CCNY: variants seen among roughly 807,000 people sequenced by gnomAD.
The protein encoded by CCNY is cyclin-Y.
CCNY carries 19 observed loss-of-function variants against 42.8 expected under a neutral mutation model. The observed-to-expected ratio is 0.44, with a 90% CI of 0.31 to 0.65. The LOEUF (loss-of-function observed/expected upper bound fraction) is 0.65. Ranked by LOEUF, CCNY falls within the 30% of genes least tolerant of loss-of-function variation. The pLI is 0.07. For synonymous variants in CCNY, 165 were observed against 162.7 expected (o/e 1.01, Z -0.11); for missense variants, 370 against 437.3 (o/e 0.85, Z 1.37).
intron 1 of CCNY, among the ~76,000 whole-genome samples, chr10:35,405,375 A>G (rs1343373168): frequency 6.6e-6 from 1 of 152,106 alleles, no homozygotes; most frequent in Non-Finnish European, 1.5e-5. Context: ...AAGGGGAGAT[A>G]CAAGGAGAGG....
chr10:35,432,144 T>A (rs911619067), intron 1 of CCNY, among the ~76,000 whole-genome samples: 2 of 152,208 alleles, frequency 1.3e-5, no homozygotes, highest in African/African-American at 4.8e-5. Context: ...ATTGTCTAAG[T>A]GTAGGGGAAG....
At chr10:35,478,467 C>T (rs1228485634) in intron 1 of CCNY, among the ~76,000 whole-genome samples, 5 of 151,574 alleles carry the variant, frequency 3.3e-5, no homozygotes, top group Non-Finnish European at 7.4e-5. Context: ...CAGAACAGAG[C>T]CCTCAGAAAT....
Position 35,530,380 on chromosome 10 carries a change from G to T in CCNY, c.579+137G>T, listed in dbSNP as rs77663754. 9.8e-6 allele frequency: 10 copies of T among 1,025,360 alleles called. No homozygotes were observed. Among genetic ancestry groups the T allele is most frequent in the Middle Eastern group, 3.0e-4 (1 of 3,284 alleles). The allele number at this position is 1,025,360 out of a possible 1,614,324, so 63.5% of individuals were successfully genotyped here. On this transcript the variant is annotated intron_variant, in intron 7 of 9. Coordinates refer to ENST00000374704, the MANE Select transcript of CCNY (RefSeq NM_145012.6). This position sits in a 1 kb window ranked among gnomAD's most constrained non-coding sequence, Gnocchi z 4.3. ...TGGACACCGTGGCATAAGCTTCAGT[G>T]TTGTCGTTCTCCTGGGAGAATAGAG... is the stretch of plus-strand genomic sequence containing the variant.
intron 8 of CCNY, among the ~76,000 whole-genome samples, chr10:35,565,053 G>A (rs572977215): frequency 2.7e-4 from 41 of 152,278 alleles, no homozygotes; most frequent in Admixed American, 9.8e-4. Context: ...CATGACCCAG[G>A]ACCAGTGCTC....
At chr10:35,541,215 T>A (rs1287350412) in intron 7 of CCNY, among the ~76,000 whole-genome samples, 3 of 152,166 alleles carry the variant, frequency 2.0e-5, no homozygotes, top group African/African-American at 7.2e-5. Context: ...ATGTATTTTT[T>A]AATAAACTTT....
intron 1 of CCNY, among the ~76,000 whole-genome samples, chr10:35,446,828 T>C (rs983096742): frequency 7.2e-5 from 11 of 152,242 alleles, no homozygotes; most frequent in Non-Finnish European, 8.8e-5. Flanking sequence ...GGAAGTGTAA[T>C]AAGCAATTTG....
chr10:35,419,351 T>C (rs892009711), intron 1 of CCNY, among the ~76,000 whole-genome samples: 11 of 152,066 alleles, frequency 7.2e-5, no homozygotes, highest in Admixed American at 5.9e-4. Flanking sequence ...AGAAATGGTA[T>C]GAAGGAAGTG....
chr10:35,526,058 AT>A, intron 5 of CCNY, 59 bp downstream of exon 5: 1 of 1,418,830 alleles, frequency 7.0e-7, no homozygotes, highest in South Asian at 1.2e-5. Context: ...TGTTGTTCCT[AT>A]TTTTTCATAT....
At chr10:35,266,997 G>A (rs1348890291) in intron 3 of CCNY, among the ~76,000 whole-genome samples, 1 of 150,896 alleles carries the variant, frequency 6.6e-6, no homozygotes, top group Non-Finnish European at 1.5e-5. Flanking sequence ...CAGGAGAATC[G>A]CTTGTACCTG....
intron 1 of CCNY, among the ~76,000 whole-genome samples, chr10:35,337,807 A>T (rs79152632): frequency 1.3e-5 from 2 of 152,040 alleles, no homozygotes; most frequent in African/African-American, 2.4e-5. Flanking sequence ...AATGCTCTTT[A>T]AAAGATTGTC....
intron 9 of CCNY, 38 bp downstream of exon 9, chr10:35,566,223 T>C: frequency 6.3e-7 from 1 of 1,586,800 alleles, no homozygotes; most frequent in Non-Finnish European, 8.6e-7. Flanking sequence ...GGTGCAGTGT[T>C]GCCAATACAT....
intron 3 of CCNY, among the ~76,000 whole-genome samples, chr10:35,272,485 C>T (rs927221965): frequency 6.6e-6 from 1 of 152,166 alleles, no homozygotes; most frequent in Non-Finnish European, 1.5e-5. Flanking sequence ...GTGTTCTCAT[C>T]ATTTAGCTCC....
At chr10:35,451,592 A>G (rs1185020429) in intron 1 of CCNY, among the ~76,000 whole-genome samples, 1 of 152,160 alleles carries the variant, frequency 6.6e-6, no homozygotes, top group African/African-American at 2.4e-5. Flanking sequence ...GTGAGGGCCA[A>G]TTCTGTATGG....
In CCNY at chr10:35,347,373, G is replaced by A. The variant is rs145463549; in HGVS notation, c.154+10166G>A. Reference sequence around the variant, plus strand: ...AGCTTTGCAGAAATCCCAGTTGGGTGGTGAAATGCAAGTCACTTCTATTTT... The same window carrying A: ...AGCTTTGCAGAAATCCCAGTTGGGTAGTGAAATGCAAGTCACTTCTATTTT... On this transcript the variant is annotated intron_variant, in intron 1 of 9. Transcript: ENST00000374704. 5,146 of 845,052 alleles carry A rather than the reference G, an allele frequency of 6.1e-3. 17 individuals are homozygous for A. The highest frequency in any genetic ancestry group is 0.019 in the Middle Eastern group (32 of 1,672). 52.3% of individuals were successfully genotyped at this position (845,052 alleles called of 1,614,324 possible).
intron 1 of CCNY, among the ~76,000 whole-genome samples, chr10:35,374,637 C>T (rs565334811): frequency 3.9e-5 from 6 of 152,270 alleles, no homozygotes; most frequent in Admixed American, 3.3e-4. Context: ...CATTGAATGG[C>T]GATGCAACTG....
At chr10:35,515,851 A>G (rs1356512997) in intron 3 of CCNY, among the ~76,000 whole-genome samples, 4 of 152,206 alleles carry the variant, frequency 2.6e-5, no homozygotes, top group Non-Finnish European at 5.9e-5. Context: ...AAAGTTCTCC[A>G]AAGAGCCCAA....
At chr10:35,560,018 CCTGTCCTATGT>C (rs1455042495) in intron 8 of CCNY, among the ~76,000 whole-genome samples, 1 of 151,762 alleles carries the variant, frequency 6.6e-6, no homozygotes, top group African/African-American at 2.4e-5. Flanking sequence ...AAAGGGGATG[CCTGTCCTATGT>C]CTGTCCTATG....
At chr10:35,498,051 C>A (rs970409205) in intron 2 of CCNY, among the ~76,000 whole-genome samples, 8 of 152,138 alleles carry the variant, frequency 5.3e-5, no homozygotes, top group Non-Finnish European at 7.3e-5. Context: ...ATGAGGCAAA[C>A]TCAGTACAGG....
At chr10:35,348,375 G>C (rs1175103844) in intron 1 of CCNY, among the ~76,000 whole-genome samples, 1 of 152,214 alleles carries the variant, frequency 6.6e-6, no homozygotes, top group Non-Finnish European at 1.5e-5. Flanking sequence ...CCACGGAGGG[G>C]TCCATCTGAG....
Sources: gnomAD v4.1 joint callset for allele counts (sites outside exome capture counted in the v4.1 genomes callset) on GRCh38, gnomAD v4.1.1 for gene constraint, Gnocchi (gnomAD v3.1) non-coding constraint, MANE v1.5 for transcripts, NCBI Gene and HGNC (gene_info 2026-07-23, HGNC 2026-07-21) for gene names.